The following RANBP2 variants were observed in gnomAD, a reference collection of about 807,000 sequenced individuals.
The protein encoded by RANBP2 is RAN binding protein 2.
Under a neutral mutation model 303.6 loss-of-function variants are expected in RANBP2, and 57 were observed. The observed-to-expected ratio is 0.19, with a 90% confidence interval of 0.15 to 0.23. The LOEUF (loss-of-function observed/expected upper bound fraction) is 0.23, where lower values mean the gene tolerates loss of function less well. Ranked by LOEUF, RANBP2 falls within the 10% of genes least tolerant of loss-of-function variation. The pLI, the probability that RANBP2 is intolerant of heterozygous loss-of-function variation, is 1.00. For missense variants in RANBP2, 3,138 were observed against 3,780.8 expected (o/e 0.83, Z 4.46); for synonymous variants, 1,167 against 1,301.5 (o/e 0.90, Z 2.23).
At chr2:109,397,755 C>T in the RANBP2 span, among the ~76,000 whole-genome samples, 15 of 152,208 alleles carry the variant, frequency 9.9e-5, no homozygotes, top group South Asian at 2.1e-4. Context: ...CAGGTGATGC[C>T]GCAGCCCTGA....
At chr2:108,946,692 G>A in the RANBP2 span, among the ~76,000 whole-genome samples, 1 of 152,108 alleles carries the variant, frequency 6.6e-6, no homozygotes, top group Non-Finnish European at 1.5e-5. Flanking sequence ...AGTGAAGAGG[G>A]AAGTGCCAGA....
At chr2:108,829,080 G>C in the RANBP2 span, among the ~76,000 whole-genome samples, 1 of 152,150 alleles carries the variant, frequency 6.6e-6, no homozygotes, top group South Asian at 2.1e-4. Flanking sequence ...CATGATATTA[G>C]ATTTGGCAGT....
chr2:108,923,585 T>A, the RANBP2 span: 1 of 746,778 alleles, frequency 1.3e-6, no homozygotes, highest in South Asian at 1.5e-5. Flanking sequence ...GCCCACTCAG[T>A]CACCTGCTCT....
At chr2:109,290,443 C>T in the RANBP2 span, among the ~76,000 whole-genome samples, 1 of 152,218 alleles carries the variant, frequency 6.6e-6, no homozygotes, top group South Asian at 2.1e-4. Flanking sequence ...TATGCATGCA[C>T]CAGATTTCAT....
At chr2:109,089,710 G>C in the RANBP2 span, among the ~76,000 whole-genome samples, 1 of 152,182 alleles carries the variant, frequency 6.6e-6, no homozygotes, top group Non-Finnish European at 1.5e-5. Context: ...TCATTGTCTG[G>C]ATGTGGTGAT....
chr2:109,009,633 C>G, the RANBP2 span, among the ~76,000 whole-genome samples: 1 of 151,944 alleles, frequency 6.6e-6, no homozygotes, highest in African/African-American at 2.4e-5. Flanking sequence ...TCAAGCTATC[C>G]TCCCACCTGA....
At chr2:109,402,056 C>T in the RANBP2 span, among the ~76,000 whole-genome samples, 1 of 152,216 alleles carries the variant, frequency 6.6e-6, no homozygotes, top group African/African-American at 2.4e-5. Context: ...CTGATTTAAT[C>T]GAGCTGCCGG....
At chr2:109,717,468 G>A in the RANBP2 span, among the ~76,000 whole-genome samples, 2 of 152,068 alleles carry the variant, frequency 1.3e-5, no homozygotes, top group African/African-American at 4.8e-5. Flanking sequence ...TGTAATCCCA[G>A]CTACTCAGGA....
chr2:109,458,601 A>AGAGAGAGAGAGAGAGAGAGAGAG, the RANBP2 span, among the ~76,000 whole-genome samples: 165 of 148,892 alleles, frequency 1.1e-3, no homozygotes, highest in South Asian at 1.3e-3. Context: ...AGAGAGAGAG[A>AGAGAGAGAGAGAGAGAGAGAGAG]ATTTATTTAT....
chr2:109,084,728 C>A, the RANBP2 span, among the ~76,000 whole-genome samples: 2 of 152,136 alleles, frequency 1.3e-5, no homozygotes, highest in African/African-American at 2.4e-5. Context: ...TCCTGAGGAC[C>A]AGGAGGAGAG....
chr2:109,487,335 G>A, the RANBP2 span, among the ~76,000 whole-genome samples: 12 of 152,086 alleles, frequency 7.9e-5, no homozygotes, highest in Admixed American at 2.6e-4. Context: ...CACACGGGAC[G>A]ACCACCAGGG....
chr2:108,833,187 A>C, the RANBP2 span, among the ~76,000 whole-genome samples: 1 of 152,242 alleles, frequency 6.6e-6, no homozygotes, highest in Non-Finnish European at 1.5e-5. Context: ...ACATGTCATT[A>C]TATGTTGTCA....
At chr2:109,402,251 G>A in the RANBP2 span, among the ~76,000 whole-genome samples, 4 of 152,368 alleles carry the variant, frequency 2.6e-5, no homozygotes, top group Admixed American at 1.3e-4. Flanking sequence ...TGCCTGGCCT[G>A]AGGACTGGCC....
At chr2:109,000,553 C>T in the RANBP2 span, among the ~76,000 whole-genome samples, 1 of 151,924 alleles carries the variant, frequency 6.6e-6, no homozygotes. Context: ...AAACAAAAAC[C>T]CAAAATAAAC....
chr2:109,528,302 C>A, the RANBP2 span, among the ~76,000 whole-genome samples: 2 of 152,250 alleles, frequency 1.3e-5, no homozygotes, highest in South Asian at 4.1e-4. Context: ...CCCAGCCCAG[C>A]ACAAGGCCCA....
the RANBP2 span, among the ~76,000 whole-genome samples, chr2:109,628,389 G>A: frequency 6.6e-6 from 1 of 152,068 alleles, no homozygotes; most frequent in African/African-American, 2.4e-5. Context: ...AGCTACTCCG[G>A]AGGCTGAGGC....
chr2:108,830,598 G>C, the RANBP2 span, among the ~76,000 whole-genome samples: 1 of 151,772 alleles, frequency 6.6e-6, no homozygotes, highest in Admixed American at 6.6e-5. Flanking sequence ...CCTGATGTCA[G>C]GAGTTCAAGT....
At chr2:108,946,763 GA>G in the RANBP2 span, among the ~76,000 whole-genome samples, 5 of 152,154 alleles carry the variant, frequency 3.3e-5, no homozygotes, top group Non-Finnish European at 7.3e-5. Flanking sequence ...CATCATGGGG[GA>G]AAGCGCCCCA....
chr2:109,229,968 G>A, the RANBP2 span, among the ~76,000 whole-genome samples: 1 of 151,780 alleles, frequency 6.6e-6, no homozygotes, highest in African/African-American at 2.4e-5. Context: ...GGGACTACAG[G>A]CGCACGCCAG....
Sources: allele counts gnomAD v4.1 joint callset (sites outside exome capture counted in the v4.1 genomes callset), GRCh38; gene constraint gnomAD v4.1.1; transcripts MANE v1.5; gene names NCBI Gene and HGNC (gene_info 2026-07-23, HGNC 2026-07-21).